The following TNFSF12 variants were observed in gnomAD, a reference collection of about 807,000 sequenced individuals.
TNFSF12 encodes tumor necrosis factor ligand superfamily member 12.
A neutral mutation model predicts 31.2 loss-of-function variants in TNFSF12; 16 were observed. That is an observed-to-expected ratio of 0.51 (90% CI 0.35 to 0.78). The LOEUF is 0.78. Ranked by LOEUF, TNFSF12 falls within the 30% of genes least tolerant of loss-of-function variation. The pLI, the probability that TNFSF12 is intolerant of heterozygous loss-of-function variation, is 0.01. For missense variants in TNFSF12, 324 were observed against 338.8 expected (o/e 0.96, Z 0.34); for synonymous variants, 150 against 151.4 (o/e 0.99, Z 0.07).
At chr17:7,551,257 C>T (rs1211483892) in intron 5 of TNFSF12, among the ~76,000 whole-genome samples, 1 of 152,094 alleles carries the variant, frequency 6.6e-6, no homozygotes, top group Admixed American at 6.6e-5. Context: ...TCTTCTGTCT[C>T]CTCCATATTC....
rs1171807878 is a variant in TNFSF12 at position 7,549,680 on chromosome 17, T to C, written c.207+159T>C. On this transcript the variant is annotated intron_variant, in intron 2 of 6. Transcript: ENST00000293825. This position sits in a 1 kb window ranked among gnomAD's most constrained non-coding sequence, Gnocchi z 4.1. Reference sequence around the variant, plus strand: ...GGGTGCGTGTCTGCAGGGGTGTGTGTGCGTGGTGACAACTCTGTGTGAGGG... The same window carrying C: ...GGGTGCGTGTCTGCAGGGGTGTGTGCGCGTGGTGACAACTCTGTGTGAGGG... 8 of 1,223,266 alleles carry C rather than the reference T, an allele frequency of 6.5e-6. No homozygotes were observed. The highest frequency in any genetic ancestry group is 4.6e-5 in the African/African-American group (3 of 65,862). The allele number at this position is 1,223,266 out of a possible 1,614,324, so 75.8% of individuals were successfully genotyped here.
intron 5 of TNFSF12, chr17:7,553,454 C>G (rs1007810851): frequency 1.2e-5 from 5 of 404,594 alleles, no homozygotes; most frequent in Admixed American, 5.6e-5. Flanking sequence ...GTGAACAATA[C>G]TATTTTCATC....
intron 5 of TNFSF12, among the ~76,000 whole-genome samples, chr17:7,555,984 T>TTTTTTG: frequency 7.6e-6 from 1 of 130,982 alleles, no homozygotes; most frequent in African/African-American, 2.7e-5. Context: ...TTTTTTTTGT[T>TTTTTTG]TTTTTTTTTT....
Position 7,549,676 on chromosome 17 carries a change from T to C in TNFSF12, c.207+155T>C. The C allele has an allele frequency of 1.6e-6, 2 of 1,244,568 alleles. No homozygotes were observed. Among genetic ancestry groups the C allele is most frequent in the Non-Finnish European group, 2.1e-6 (2 of 932,580 alleles). 77.1% of individuals were successfully genotyped at this position (1,244,568 alleles called of 1,614,324 possible). ...GCATGGGTGCGTGTCTGCAGGGGTG[T>C]GTGTGCGTGGTGACAACTCTGTGTG... is the stretch of plus-strand genomic sequence containing the variant. On this transcript the variant is annotated intron_variant, in intron 2 of 6. Coordinates refer to ENST00000293825, the MANE Select transcript of TNFSF12 (RefSeq NM_003809.3). This position sits in a 1 kb window ranked among gnomAD's most constrained non-coding sequence, Gnocchi z 4.1.
intron 5 of TNFSF12, among the ~76,000 whole-genome samples, chr17:7,554,116 G>A (rs2071030688): frequency 2.0e-5 from 3 of 152,040 alleles, no homozygotes; most frequent in Non-Finnish European, 4.4e-5. Flanking sequence ...GGCTGGCTTC[G>A]TAGCTAGGAA....
intron 5 of TNFSF12, among the ~76,000 whole-genome samples, chr17:7,555,076 G>A (rs1395204031): frequency 6.6e-6 from 1 of 152,012 alleles, no homozygotes; most frequent in Admixed American, 6.6e-5. Flanking sequence ...GAACCCGGGA[G>A]GCGGAGGCTG....
chr17:7,550,942 G>A lies in TNFSF12; in HGVS notation c.338-1G>A. 1 of 1,614,170 alleles carries A rather than the reference G, an allele frequency of 6.2e-7. No individual in the cohort carries two copies. Among genetic ancestry groups the A allele is most frequent in the Non-Finnish European group, 8.5e-7 (1 of 1,180,028 alleles). On this transcript the variant is annotated splice_acceptor_variant, in intron 4 of 6. Coordinates refer to ENST00000293825, the MANE Select transcript of TNFSF12 (RefSeq NM_003809.3). LOFTEE classifies it high-confidence loss of function. The surrounding 1 kb of genome is among the most constrained non-coding windows in gnomAD (Gnocchi z 4.4). ...CACCAGCCTTTTCCTGTACTTTACA[G>A]TTCATCCACGACCTGGACAGGACGG...
At position 7,557,169 on chromosome 17, in the gene TNFSF12, G is replaced by A. The variant is rs1191670290; in HGVS notation, c.569G>A (p.Arg190His). The A allele has an allele frequency of 7.4e-6, 12 of 1,612,264 alleles. No individual in the cohort carries two copies. The highest frequency in any genetic ancestry group is 1.0e-5 in the Non-Finnish European group (12 of 1,178,894). The part of the protein sequence containing the change: ...DLLVDGVLAL[R>H]CLEEFSATAA... ...CTGGTGGATGGTGTGCTGGCCCTGCGCTGCCTGGAGGAATTCTCAGCCACT... is the reference window on the plus strand; with the variant it reads ...CTGGTGGATGGTGTGCTGGCCCTGCACTGCCTGGAGGAATTCTCAGCCACT... The change falls in exon 7 of 7, where the codon CGC becomes CAC. Residue 190 changes from arginine (R) to histidine (H), a missense_variant. By Grantham distance (29) the Arg-to-His change is conservative. Coordinates refer to ENST00000293825, the MANE Select transcript of TNFSF12 (RefSeq NM_003809.3). This position sits in a 1 kb window ranked among gnomAD's most constrained non-coding sequence, Gnocchi z 5.2.
At position 7,550,836 on chromosome 17, in the gene TNFSF12, C is replaced by T. The variant is rs139642600; in HGVS notation, c.321C>T (p.Ile107=). Residue 107 remains isoleucine, a synonymous_variant, in exon 4 of 7, where the codon ATC becomes ATT. Coordinates refer to ENST00000293825, the MANE Select transcript of TNFSF12 (RefSeq NM_003809.3). This position sits in a 1 kb window ranked among gnomAD's most constrained non-coding sequence, Gnocchi z 4.4. ...KGRKTRARRA[I]AAHYEVHPRP... ...GGAAAACACGGGCTCGAAGAGCGAT[C>T]GCAGCCCATTATGAAGGTGGGTGAT... 44 of 1,612,474 alleles carry T rather than the reference C, an allele frequency of 2.7e-5. No homozygotes were observed. In the Middle Eastern group the frequency reaches 2.3e-3, roughly 84 times the overall value.
intron 5 of TNFSF12, among the ~76,000 whole-genome samples, chr17:7,553,167 A>G (rs1007367447): frequency 1.5e-4 from 23 of 149,970 alleles, no homozygotes; most frequent in Non-Finnish European, 5.9e-5. Flanking sequence ...CTCCTGCCTC[A>G]GCCTCCCCAG....
intron 5 of TNFSF12, chr17:7,553,664 C>T (rs2071026016): frequency 7.7e-7 from 1 of 1,303,938 alleles, no homozygotes; most frequent in African/African-American, 1.5e-5. Flanking sequence ...TAGAATGTGC[C>T]TGTGTACTGG....
chr17:7,556,178 A>C (rs2071063080), intron 5 of TNFSF12, among the ~76,000 whole-genome samples: 1 of 151,632 alleles, frequency 6.6e-6, no homozygotes, highest in South Asian at 2.1e-4. Flanking sequence ...ACGGGGTTTC[A>C]CCTTGTTGGC....
chr17:7,554,216 A>T (rs1567721473), intron 5 of TNFSF12, among the ~76,000 whole-genome samples: 1 of 151,702 alleles, frequency 6.6e-6, no homozygotes, highest in African/African-American at 2.4e-5. Context: ...AATTATCCAG[A>T]CATTCATTCA....
intron 5 of TNFSF12, among the ~76,000 whole-genome samples, chr17:7,552,484 C>G (rs12942590): frequency 0.29 from 43,562 of 151,856 alleles, 7,696 homozygotes; most frequent in Middle Eastern, 0.55. Context: ...GGTGCCACCA[C>G]ACCCAGCTCA....
Position 7,549,648 on chromosome 17 carries a change from C to A in TNFSF12, c.207+127C>A. On this transcript the variant is annotated intron_variant, in intron 2 of 6. Transcript: ENST00000293825. The surrounding 1 kb of genome is among the most constrained non-coding windows in gnomAD (Gnocchi z 4.1). ...GTGCAGGGTGTGTGTGAACACAGTG[C>A]GTGCATGGGTGCGTGTCTGCAGGGG... 1 of 1,354,984 alleles carries A rather than the reference C, an allele frequency of 7.4e-7. No homozygotes were observed. The highest frequency in any genetic ancestry group is 9.7e-7 in the Non-Finnish European group (1 of 1,027,430). The allele number at this position is 1,354,984 out of a possible 1,614,324, so 83.9% of individuals were successfully genotyped here.
intron 5 of TNFSF12, among the ~76,000 whole-genome samples, chr17:7,553,419 G>A (rs2071024078): frequency 6.6e-6 from 1 of 152,192 alleles, no homozygotes. Context: ...GGAGGGGTGT[G>A]TGGACCAAGG....
At chr17:7,551,604 TAC>T (rs1567720656) in intron 5 of TNFSF12, among the ~76,000 whole-genome samples, 1 of 152,134 alleles carries the variant, frequency 6.6e-6, no homozygotes, top group Admixed American at 6.6e-5. Flanking sequence ...ACTTTGCACA[TAC>T]CATCCCCCTC....
chr17:7,549,405 A>G lies in TNFSF12; in HGVS notation c.160-69A>G. On this transcript the variant is annotated intron_variant, in intron 1 of 6. Coordinates refer to ENST00000293825, the MANE Select transcript of TNFSF12 (RefSeq NM_003809.3). The surrounding 1 kb of genome is among the most constrained non-coding windows in gnomAD (Gnocchi z 4.1). ...GCCGCGTGGGCTGAAGGCAAGGGGA[A>G]GGGAGGATGGGTGGAGGGTGAGATG... 1 of 1,427,028 alleles carries G rather than the reference A, an allele frequency of 7.0e-7. No individual in the cohort carries two copies. Among genetic ancestry groups the G allele is most frequent in the Non-Finnish European group, 9.3e-7 (1 of 1,075,182 alleles). The allele number at this position is 1,427,028 out of a possible 1,614,324, so 88.4% of individuals were successfully genotyped here.
At chr17:7,556,546 C>T (rs938959074) in intron 5 of TNFSF12, among the ~76,000 whole-genome samples, 30 of 152,208 alleles carry the variant, frequency 2.0e-4, no homozygotes, top group African/African-American at 7.0e-4. Context: ...CCAGAAGTGA[C>T]TGCAGGTGAC....
Sources: allele counts gnomAD v4.1 joint callset (sites outside exome capture counted in the v4.1 genomes callset), GRCh38; gene constraint gnomAD v4.1.1; non-coding constraint Gnocchi (gnomAD v3.1); transcripts MANE v1.5; gene names NCBI Gene and HGNC (gene_info 2026-07-23, HGNC 2026-07-21).